The following NAALADL2 variants were observed in gnomAD, a reference collection of about 807,000 sequenced individuals.
NAALADL2 encodes the protein N-acetylated alpha-linked acidic dipeptidase like 2, also known as inactive N-acetylated-alpha-linked acidic dipeptidase-like protein 2.
NAALADL2 carries 76 observed loss-of-function variants against 87.2 expected under a neutral mutation model. That is an observed-to-expected ratio of 0.87 (90% confidence interval 0.72 to 1.05). NAALADL2 has a LOEUF of 1.05. Ranked by LOEUF, NAALADL2 falls within the 50% of genes least tolerant of loss-of-function variation. The probability of loss-of-function intolerance (pLI) is 0.00; values close to 1 mark genes in which losing one functional copy is unlikely to be tolerated. For missense variants in NAALADL2, 1,089 were observed against 945.8 expected (o/e 1.15, Z -1.99); for synonymous variants, 354 against 331.0 (o/e 1.07, Z -0.75).
chr3:174,904,612 C>T (rs140831787), intron 1 of NAALADL2, among the ~76,000 whole-genome samples: 1 of 151,864 alleles, frequency 6.6e-6, no homozygotes, highest in East Asian at 1.9e-4. Context: ...ATTGTAAATA[C>T]TTAAGTGGGA....
At chr3:175,118,627 C>G (rs1001468107) in intron 2 of NAALADL2, among the ~76,000 whole-genome samples, 1 of 151,620 alleles carries the variant, frequency 6.6e-6, no homozygotes, top group African/African-American at 2.4e-5. Flanking sequence ...ATTCAATACT[C>G]TATAATGTCT....
At chr3:175,468,557 A>G (rs1262342456) in intron 8 of NAALADL2, among the ~76,000 whole-genome samples, 1 of 152,080 alleles carries the variant, frequency 6.6e-6, no homozygotes, top group African/African-American at 2.4e-5. Flanking sequence ...ATATCTTTAA[A>G]ATGTCTTAAA....
intron 3 of NAALADL2, among the ~76,000 whole-genome samples, chr3:175,236,292 A>G (rs6809525): frequency 0.44 from 66,841 of 151,628 alleles, 15,926 homozygotes; most frequent in Non-Finnish European, 0.54. Context: ...GGAGGCCGTA[A>G]TCCCAGCACA....
chr3:174,664,454 C>T lies in NAALADL2; in HGVS notation c.-114-73187C>T, dbSNP rs185028454. Among the ~76,000 whole-genome samples, 18 of 152,244 alleles carry T rather than the reference C, an allele frequency of 1.2e-4. No individual in the cohort carries two copies. The East Asian group carries it at 3.3e-3, about 28-fold the overall frequency. On this transcript the variant is annotated intron_variant, in intron 2 of 3. Transcript: ENST00000434257. ...TATGGGGTTTTTAGAAGCACTGGGT[C>T]TCATACCAATAAGCAATTAATGACT...
chr3:175,764,777 C>T (rs1004874989), intron 13 of NAALADL2, among the ~76,000 whole-genome samples: 65 of 152,108 alleles, frequency 4.3e-4, no homozygotes, highest in African/African-American at 1.5e-3. Context: ...GATCAGTTTC[C>T]AGCTACATAT....
chr3:175,798,166 A>G (rs1428818518), intron 13 of NAALADL2, among the ~76,000 whole-genome samples: 1 of 152,084 alleles, frequency 6.6e-6, no homozygotes. Flanking sequence ...TGCAAATTTA[A>G]AGAAGATATT....
chr3:175,525,319 G>A (rs979464423), intron 9 of NAALADL2, among the ~76,000 whole-genome samples: 10 of 151,996 alleles, frequency 6.6e-5, no homozygotes, highest in African/African-American at 2.4e-4. Context: ...AATTAACTTG[G>A]GTAAAACCGA....
At chr3:175,218,154 C>A in intron 2 of NAALADL2, 2 of 434,566 alleles carry the variant, frequency 4.6e-6, no homozygotes, top group South Asian at 1.7e-5. Context: ...AAGCCAATAT[C>A]TCTAAGAAGC....
intron 2 of NAALADL2, among the ~76,000 whole-genome samples, chr3:174,684,275 C>T (rs61285650): frequency 3.3e-5 from 5 of 151,938 alleles, no homozygotes; most frequent in African/African-American, 4.8e-5. Context: ...TTTACTTGAT[C>T]AACAAATTGC....
At chr3:175,692,190 A>T (rs533949248) in intron 11 of NAALADL2, among the ~76,000 whole-genome samples, 1 of 151,876 alleles carries the variant, frequency 6.6e-6, no homozygotes, top group East Asian at 1.9e-4. Flanking sequence ...TTCATAGGGG[A>T]TTTCTCTTGT....
intron 10 of NAALADL2, among the ~76,000 whole-genome samples, chr3:175,603,274 A>T (rs10804860): frequency 0.67 from 102,442 of 152,066 alleles, 36,047 homozygotes; most frequent in East Asian, 0.85. Flanking sequence ...ACAGCCCTAT[A>T]CCATCTCTTT....
intron 3 of NAALADL2, among the ~76,000 whole-genome samples, chr3:174,774,073 C>G (rs957462830): frequency 6.6e-6 from 1 of 152,108 alleles, no homozygotes; most frequent in Non-Finnish European, 1.5e-5. Context: ...CTCTACTGTA[C>G]TCTTTTCACT....
intron 1 of NAALADL2, among the ~76,000 whole-genome samples, chr3:174,512,456 C>G (rs769009996): frequency 6.6e-6 from 1 of 152,122 alleles, no homozygotes; most frequent in Non-Finnish European, 1.5e-5. Flanking sequence ...AATCTGTCTT[C>G]TGAACTGTTG....
At chr3:174,996,604 T>C (rs1179479784) in intron 1 of NAALADL2, among the ~76,000 whole-genome samples, 1 of 152,106 alleles carries the variant, frequency 6.6e-6, no homozygotes, top group Non-Finnish European at 1.5e-5. Context: ...GCCTACCAAA[T>C]ACCCACCTTA....
At chr3:175,551,524 T>A (rs184537968) in intron 9 of NAALADL2, among the ~76,000 whole-genome samples, 2 of 152,248 alleles carry the variant, frequency 1.3e-5, no homozygotes, top group East Asian at 3.9e-4. Flanking sequence ...AAATTAAGGG[T>A]CCCATTCATA....
Position 175,170,498 on chromosome 3 carries a change from A to T in NAALADL2, c.546-63433A>T, listed in dbSNP as rs1243454660. ...ATAATATAATATATAAATATAATAT[A>T]TATATACAAACACATATATAGTATT... On this transcript the variant is annotated intron_variant, in intron 2 of 13. Transcript: ENST00000454872. Among the ~76,000 whole-genome samples the T allele has an allele frequency of 5.4e-5, 8 of 147,416 alleles. No individual in the cohort carries two copies. In the Admixed American group the frequency reaches 5.5e-4, roughly 10 times the overall value.
chr3:174,496,768 G>T (rs1293012119), intron 1 of NAALADL2, among the ~76,000 whole-genome samples: 1 of 152,036 alleles, frequency 6.6e-6, no homozygotes, highest in Non-Finnish European at 1.5e-5. Context: ...TGTTAGAACA[G>T]TTACAAAACT....
chr3:175,379,739 A>T (rs893579452), intron 5 of NAALADL2, among the ~76,000 whole-genome samples: 1 of 151,816 alleles, frequency 6.6e-6, no homozygotes, highest in African/African-American at 2.4e-5. Context: ...ATTTTTGTAA[A>T]TATTCCTCAA....
chr3:175,781,540 A>C (rs986521869), intron 13 of NAALADL2, among the ~76,000 whole-genome samples: 1 of 152,074 alleles, frequency 6.6e-6, no homozygotes, highest in South Asian at 2.1e-4. Context: ...TTATGTACTT[A>C]CTATATGATA....
Sources: allele counts gnomAD v4.1 joint callset (sites outside exome capture counted in the v4.1 genomes callset), GRCh38; gene constraint gnomAD v4.1.1; transcripts MANE v1.5; gene names NCBI Gene and HGNC (gene_info 2026-07-23, HGNC 2026-07-21).